The following GRID2 variants were observed in gnomAD, a reference collection of about 807,000 sequenced individuals.
The protein encoded by GRID2 is glutamate receptor ionotropic, delta-2.
GRID2 carries 33 observed loss-of-function variants against 114.8 expected under a neutral mutation model. The ratio of observed to expected loss-of-function variants is 0.29; its 90% CI spans 0.22 to 0.38. The LOEUF is 0.38. GRID2 is among the 10% of genes least tolerant of loss of function. The probability of loss-of-function intolerance (pLI) is 1.00; values close to 1 mark genes in which losing one functional copy is unlikely to be tolerated. For missense variants in GRID2, 1,184 were observed against 1,257.7 expected, an observed-to-expected ratio of 0.94 and a Z score of 0.89; for synonymous variants, 505 against 449.9, an observed-to-expected ratio of 1.12 and a Z score of -1.55.
At chr4:92,487,897 C>T (rs1166186992) in intron 1 of GRID2, among the ~76,000 whole-genome samples, 1 of 152,108 alleles carries the variant, frequency 6.6e-6, no homozygotes, top group African/African-American at 2.4e-5. Context: ...TGCTCTTCTC[C>T]TCTAAGAAAA....
Position 92,634,133 on chromosome 4 carries a change from A to G in GRID2, c.244+43847A>G, listed in dbSNP as rs140693628. On this transcript the variant is annotated intron_variant, in intron 2 of 15. Transcript: ENST00000282020. ...AAATTGCAAAAAAAAAAACAACAAA[A>G]AACAAAACTCATAATGTTGTAAGAA... 1.8e-3 allele frequency among the ~76,000 whole-genome samples: 271 copies of G among 152,086 alleles called. 2 individuals carry two copies. Among genetic ancestry groups the G allele is most frequent in the African/African-American group, 6.2e-3 (259 of 41,546 alleles).
intron 2 of GRID2, among the ~76,000 whole-genome samples, chr4:92,895,301 C>G (rs1377152577): frequency 6.7e-6 from 1 of 149,272 alleles, no homozygotes; most frequent in East Asian, 2.0e-4. Context: ...GCTGGTAGAT[C>G]TACTCCAGTA....
chr4:93,480,394 T>C lies in GRID2; in HGVS notation c.1859-10245T>C, dbSNP rs945433576. The stretch of plus-strand genomic sequence containing the variant: ...GAGGTTCCAAATTCCCACTCAGCAA[T>C]TGAGGCTAGATTTCTGCCTTCAGAT... On this transcript the variant is annotated intron_variant, in intron 11 of 15. Transcript: ENST00000282020. Among the ~76,000 whole-genome samples, 5 of 152,108 alleles carry C rather than the reference T, an allele frequency of 3.3e-5. No homozygotes were observed. In the East Asian group the frequency reaches 7.8e-4, roughly 24 times the overall value.
chr4:92,781,200 C>T (rs1024491363), intron 2 of GRID2, among the ~76,000 whole-genome samples: 7 of 151,958 alleles, frequency 4.6e-5, no homozygotes, highest in Admixed American at 4.6e-4. Flanking sequence ...GAGCTGAGAT[C>T]ACACCACTGC....
At chr4:92,717,436 G>T (rs1735603932) in intron 2 of GRID2, among the ~76,000 whole-genome samples, 1 of 152,276 alleles carries the variant, frequency 6.6e-6, no homozygotes, top group South Asian at 2.1e-4. Context: ...AGTACAACAG[G>T]CTGACAGGTG....
chr4:93,345,182 T>G (rs1760092980), intron 8 of GRID2, among the ~76,000 whole-genome samples: 2 of 152,120 alleles, frequency 1.3e-5, no homozygotes, highest in Admixed American at 6.6e-5. Context: ...AGAAGTAGGA[T>G]TGCTGGATCA....
intron 2 of GRID2, among the ~76,000 whole-genome samples, chr4:92,989,049 G>A (rs965816049): frequency 2.6e-5 from 4 of 151,930 alleles, no homozygotes; most frequent in African/African-American, 7.2e-5. Flanking sequence ...AAGCCGAAGC[G>A]GGCAGATCAC....
intron 13 of GRID2, among the ~76,000 whole-genome samples, chr4:93,534,186 A>G (rs1041560434): frequency 6.6e-6 from 1 of 152,132 alleles, no homozygotes; most frequent in Non-Finnish European, 1.5e-5. Flanking sequence ...TACCCCTGAT[A>G]CCTCAGCACT....
chr4:92,532,326 A>G (rs1579529567), intron 1 of GRID2, among the ~76,000 whole-genome samples: 1 of 152,194 alleles, frequency 6.6e-6, no homozygotes, highest in East Asian at 1.9e-4. Context: ...GAAGTTGAGG[A>G]AAAAGCAAAG....
chr4:93,158,365 T>C (rs1737368825), intron 4 of GRID2, among the ~76,000 whole-genome samples: 1 of 151,800 alleles, frequency 6.6e-6, no homozygotes, highest in Non-Finnish European at 1.5e-5. Context: ...AGGTGAAGCC[T>C]CCAATAGTAC....
chr4:93,454,967 G>C (rs1273040312), intron 10 of GRID2, among the ~76,000 whole-genome samples: 3 of 152,062 alleles, frequency 2.0e-5, no homozygotes, highest in Non-Finnish European at 2.9e-5. Context: ...TAAATAAATA[G>C]TAAATGCTGT....
intron 11 of GRID2, among the ~76,000 whole-genome samples, chr4:93,488,388 G>A (rs1208622169): frequency 3.3e-5 from 5 of 151,772 alleles, no homozygotes; most frequent in Admixed American, 3.3e-4. Context: ...TAATACATCA[G>A]GGGAATAGCT....
At chr4:93,335,042 G>A (rs1758900218) in intron 8 of GRID2, among the ~76,000 whole-genome samples, 1 of 131,576 alleles carries the variant, frequency 7.6e-6, no homozygotes, top group Admixed American at 7.7e-5. Context: ...AATTTAATTG[G>A]TGATAGCAAA....
chr4:93,451,705 CT>C (rs1157306646), intron 10 of GRID2, among the ~76,000 whole-genome samples: 1 of 151,820 alleles, frequency 6.6e-6, no homozygotes, highest in Non-Finnish European at 1.5e-5. Context: ...GAGCTGGAGC[CT>C]AGGAAAACAA....
At chr4:92,992,028 G>A (rs1211626863) in intron 2 of GRID2, among the ~76,000 whole-genome samples, 1 of 152,132 alleles carries the variant, frequency 6.6e-6, no homozygotes, top group African/African-American at 2.4e-5. Context: ...CTGCACCTTT[G>A]TAACATTTCA....
chr4:93,359,261 A>T (rs939640694), intron 8 of GRID2, among the ~76,000 whole-genome samples: 20 of 151,140 alleles, frequency 1.3e-4, no homozygotes. Flanking sequence ...CTTGTTTGCA[A>T]TTTTTTCATT....
chr4:93,604,903 T>G (rs1198687735), intron 13 of GRID2, among the ~76,000 whole-genome samples: 1 of 152,242 alleles, frequency 6.6e-6, no homozygotes, highest in Non-Finnish European at 1.5e-5. Context: ...CAATATAGTG[T>G]AGGCATAACC....
rs148445574 is a variant in GRID2, at chr4:92,847,698, G to A, written c.245-237297G>A. ...TGACATATATTCCATTCCATACTTA[G>A]TCTAGTGTCATAAATAATTATTTCC... On this transcript the variant is annotated intron_variant, in intron 2 of 15. Transcript: ENST00000282020. 9.8e-4 allele frequency among the ~76,000 whole-genome samples: 148 copies of A among 151,720 alleles called. 1 individual carries two copies. Among genetic ancestry groups the A allele is most frequent in the African/African-American group, 3.4e-3 (142 of 41,378 alleles).
At chr4:92,870,373 AT>A (rs1194602395) in intron 2 of GRID2, among the ~76,000 whole-genome samples, 1 of 151,702 alleles carries the variant, frequency 6.6e-6, no homozygotes, top group Non-Finnish European at 1.5e-5. Context: ...CACTTTTGTT[AT>A]TTTATTCACG....
Sources: allele counts gnomAD v4.1 joint callset (sites outside exome capture counted in the v4.1 genomes callset), GRCh38; gene constraint gnomAD v4.1.1; transcripts MANE v1.5; gene names NCBI Gene and HGNC (gene_info 2026-07-23, HGNC 2026-07-21).